ZCCHC7: variants seen among roughly 807,000 people sequenced by gnomAD.
ZCCHC7 encodes zinc finger CCHC domain-containing protein 7.
Under a neutral mutation model 52.0 loss-of-function variants are expected in ZCCHC7, and 35 were observed. That is an observed-to-expected ratio of 0.67 (90% CI 0.51 to 0.89). The LOEUF (loss-of-function observed/expected upper bound fraction) is 0.89. ZCCHC7 is among the 40% of genes least tolerant of loss of function. The pLI is 0.00. For synonymous variants in ZCCHC7, 217 were observed against 221.5 expected (o/e 0.98, Z 0.18); for missense variants, 574 against 649.1 (o/e 0.88, Z 1.26).
intron 2 of ZCCHC7, among the ~76,000 whole-genome samples, chr9:37,156,503 CTGAA>C (rs924818994): frequency 6.6e-5 from 10 of 152,166 alleles, no homozygotes; most frequent in African/African-American, 2.2e-4. Flanking sequence ...ACTGGATTCT[CTGAA>C]TGGAGTAAAA....
At chr9:37,345,679 C>T (rs568818689) in intron 6 of ZCCHC7, among the ~76,000 whole-genome samples, 1 of 150,988 alleles carries the variant, frequency 6.6e-6, no homozygotes, top group African/African-American at 2.4e-5. Context: ...GAGATCGTGC[C>T]ACTGTGCTGC....
intron 2 of ZCCHC7, among the ~76,000 whole-genome samples, chr9:37,239,823 A>G (rs1425923414): frequency 2.6e-5 from 4 of 152,080 alleles, no homozygotes; most frequent in African/African-American, 9.7e-5. Flanking sequence ...ACTGTGCTTT[A>G]CCTGTATGTT....
intron 2 of ZCCHC7, among the ~76,000 whole-genome samples, chr9:37,228,430 T>C (rs1468193997): frequency 6.6e-6 from 1 of 152,078 alleles, no homozygotes; most frequent in African/African-American, 2.4e-5. Context: ...TCACCTAGGC[T>C]GGAGTGCAGT....
intron 2 of ZCCHC7, among the ~76,000 whole-genome samples, chr9:37,209,354 G>C (rs925549150): frequency 2.0e-5 from 3 of 151,834 alleles, no homozygotes; most frequent in Admixed American, 2.0e-4. Flanking sequence ...TTTTTTTAAA[G>C]TTCCAAGTAT....
chr9:37,133,663 A>G (rs527792626), intron 2 of ZCCHC7, among the ~76,000 whole-genome samples: 1 of 152,094 alleles, frequency 6.6e-6, no homozygotes, highest in Non-Finnish European at 1.5e-5. Context: ...ATCTTGGCTC[A>G]CTGCAACCTC....
chr9:37,308,642 T>G (rs902667376), intron 5 of ZCCHC7, among the ~76,000 whole-genome samples: 2 of 152,206 alleles, frequency 1.3e-5, no homozygotes, highest in East Asian at 1.9e-4. Context: ...CATGGTATGC[T>G]CCTGTAATAT....
chr9:37,279,283 G>A (rs1827833951), intron 2 of ZCCHC7, among the ~76,000 whole-genome samples: 1 of 151,924 alleles, frequency 6.6e-6, no homozygotes, highest in Non-Finnish European at 1.5e-5. Context: ...AAAGGACTGG[G>A]ATGGGCAGGT....
chr9:37,333,451 A>G (rs1339881648), intron 6 of ZCCHC7, among the ~76,000 whole-genome samples: 2 of 151,652 alleles, frequency 1.3e-5, no homozygotes, highest in African/African-American at 2.4e-5. Flanking sequence ...TCCTGCCCCT[A>G]GTGGCTAGGG....
intron 2 of ZCCHC7, among the ~76,000 whole-genome samples, chr9:37,140,595 T>A (rs1843177043): frequency 6.6e-6 from 1 of 152,008 alleles, no homozygotes. Flanking sequence ...TTTAAAGTTG[T>A]ATTAATCCCT....
chr9:37,157,648 A>G (rs767926009), intron 2 of ZCCHC7, among the ~76,000 whole-genome samples: 2 of 152,190 alleles, frequency 1.3e-5, no homozygotes, highest in Non-Finnish European at 2.9e-5. Context: ...CTGAACAGGC[A>G]TTTTTCCAAA....
intron 5 of ZCCHC7, chr9:37,327,097 T>G (rs2118147484): frequency 6.6e-6 from 1 of 152,264 alleles, no homozygotes; most frequent in African/African-American, 2.4e-5. Context: ...TTTTTGTTGT[T>G]CCTGCTATTG....
At chr9:37,168,424 C>A (rs1463928007) in intron 2 of ZCCHC7, among the ~76,000 whole-genome samples, 1 of 152,080 alleles carries the variant, frequency 6.6e-6, no homozygotes, top group Non-Finnish European at 1.5e-5. Context: ...TAGACTGTTT[C>A]ACCTATCCCT....
chr9:37,154,815 T>C (rs1420363790), intron 2 of ZCCHC7, among the ~76,000 whole-genome samples: 2 of 152,128 alleles, frequency 1.3e-5, no homozygotes, highest in Non-Finnish European at 2.9e-5. Context: ...AGTCCTGATC[T>C]CAGTTGGATT....
At chr9:37,228,194 ACAAAT>A (rs771655957) in intron 2 of ZCCHC7, among the ~76,000 whole-genome samples, 11 of 152,302 alleles carry the variant, frequency 7.2e-5, no homozygotes, top group South Asian at 2.1e-4. Flanking sequence ...AAAACTAATG[ACAAAT>A]CAGATCAGTG....
chr9:37,127,056 T>A, intron 2 of ZCCHC7, 114 bp downstream of exon 2: 1 of 1,355,676 alleles, frequency 7.4e-7, no homozygotes, highest in Non-Finnish European at 1.0e-6. Flanking sequence ...CTTTTTGGTC[T>A]TGTTTTTTGG....
intron 2 of ZCCHC7, among the ~76,000 whole-genome samples, chr9:37,276,240 G>A (rs1048735916): frequency 3.3e-5 from 5 of 152,056 alleles, no homozygotes; most frequent in African/African-American, 1.2e-4. Flanking sequence ...AACTTGAAGG[G>A]GTTATTTATG....
intron 2 of ZCCHC7, among the ~76,000 whole-genome samples, chr9:37,151,121 C>T (rs527590363): frequency 1.5e-4 from 23 of 151,986 alleles, no homozygotes; most frequent in African/African-American, 4.1e-4. Flanking sequence ...CCTGCCACCA[C>T]GCCCGGCTAA....
intron 2 of ZCCHC7, among the ~76,000 whole-genome samples, chr9:37,176,249 A>T (rs964032804): frequency 2.4e-4 from 36 of 152,004 alleles, no homozygotes; most frequent in Admixed American, 2.0e-3. Context: ...TAATTTTTGT[A>T]TTTTTAGTAG....
chr9:37,248,408 C>A (rs1238047865), intron 2 of ZCCHC7, among the ~76,000 whole-genome samples: 1 of 152,136 alleles, frequency 6.6e-6, no homozygotes, highest in Non-Finnish European at 1.5e-5. Flanking sequence ...AATTTCCTGC[C>A]TGGAGCGTTT....
Sources: allele counts gnomAD v4.1 joint callset (sites outside exome capture counted in the v4.1 genomes callset), GRCh38; gene constraint gnomAD v4.1.1; transcripts MANE v1.5; gene names NCBI Gene and HGNC (gene_info 2026-07-23, HGNC 2026-07-21).